Variants in STARD13 observed in about 807,000 individuals in gnomAD.
The protein encoded by STARD13 is stAR-related lipid transfer protein 13.
Under a neutral mutation model 106.4 loss-of-function variants are expected in STARD13, and 62 were observed. The ratio of observed to expected loss-of-function variants is 0.58; its 90% CI spans 0.48 to 0.72. The LOEUF (loss-of-function observed/expected upper bound fraction) is 0.72. Ranked by LOEUF, STARD13 falls within the 30% of genes least tolerant of loss-of-function variation. The pLI, the probability that STARD13 is intolerant of heterozygous loss-of-function variation, is 0.00. For synonymous variants in STARD13, 565 were observed against 553.0 expected (o/e 1.02, Z -0.31); for missense variants, 1,387 against 1,424.0 (o/e 0.97, Z 0.42).
At chr13:33,640,637 C>G in the STARD13 span, among the ~76,000 whole-genome samples, 2 of 152,180 alleles carry the variant, frequency 1.3e-5, no homozygotes, top group African/African-American at 4.8e-5. Flanking sequence ...AATCTTCAGA[C>G]AGGAGATCCT....
chr13:33,170,431 A>G (rs1416603919), intron 1 of STARD13, among the ~76,000 whole-genome samples: 1 of 152,218 alleles, frequency 6.6e-6, no homozygotes, highest in Non-Finnish European at 1.5e-5. Flanking sequence ...TAATAGCTGC[A>G]TTTCATTTTT....
At chr13:33,527,701 T>C in the STARD13 span, among the ~76,000 whole-genome samples, 1 of 152,060 alleles carries the variant, frequency 6.6e-6, no homozygotes, top group African/African-American at 2.4e-5. Context: ...GTAACCCCTT[T>C]GTTTAAAAAA....
the STARD13 span, among the ~76,000 whole-genome samples, chr13:33,377,230 C>G: frequency 6.6e-6 from 1 of 152,088 alleles, no homozygotes; most frequent in Non-Finnish European, 1.5e-5. Flanking sequence ...CAGGATTACC[C>G]TGAGGATGGG....
At chr13:33,628,807 T>A in the STARD13 span, among the ~76,000 whole-genome samples, 1 of 152,128 alleles carries the variant, frequency 6.6e-6, no homozygotes, top group Non-Finnish European at 1.5e-5. Context: ...CCCAGATCAG[T>A]CTCCTACTGC....
intron 8 of STARD13, among the ~76,000 whole-genome samples, chr13:33,115,239 A>G (rs1189401211): frequency 6.6e-6 from 1 of 152,170 alleles, no homozygotes; most frequent in East Asian, 1.9e-4. Flanking sequence ...TGAAAACAGA[A>G]CTTCTCTGGA....
At chr13:33,217,532 A>T (rs978931664) in intron 1 of STARD13, among the ~76,000 whole-genome samples, 3 of 152,226 alleles carry the variant, frequency 2.0e-5, no homozygotes, top group South Asian at 2.1e-4. Context: ...TGGTGCAAGC[A>T]CACAGGGGAA....
chr13:33,250,226 T>C (rs760616033), intron 1 of STARD13, among the ~76,000 whole-genome samples: 1 of 152,198 alleles, frequency 6.6e-6, no homozygotes, highest in Non-Finnish European at 1.5e-5. Context: ...CAGTAGACAT[T>C]GCTAGGTATT....
the STARD13 span, among the ~76,000 whole-genome samples, chr13:33,400,610 G>A: frequency 2.6e-5 from 4 of 151,984 alleles, no homozygotes; most frequent in African/African-American, 7.3e-5. Flanking sequence ...ACAGGCGCCC[G>A]CCACCATGCC....
intron 1 of STARD13, among the ~76,000 whole-genome samples, chr13:33,181,413 T>C (rs1372779667): frequency 1.3e-5 from 2 of 152,232 alleles, no homozygotes; most frequent in Non-Finnish European, 2.9e-5. Flanking sequence ...CATTACCAGA[T>C]TGGAAACCAG....
the STARD13 span, among the ~76,000 whole-genome samples, chr13:33,644,904 T>C: frequency 6.6e-6 from 1 of 152,146 alleles, no homozygotes; most frequent in Non-Finnish European, 1.5e-5. Flanking sequence ...CAGACTTGCA[T>C]CATTAGAGTA....
chr13:33,526,865 C>T, the STARD13 span, among the ~76,000 whole-genome samples: 3 of 152,050 alleles, frequency 2.0e-5, no homozygotes, highest in African/African-American at 7.2e-5. Flanking sequence ...AGATAGAGAA[C>T]AGGAAGACAA....
At chr13:33,447,559 C>T in the STARD13 span, among the ~76,000 whole-genome samples, 2 of 152,220 alleles carry the variant, frequency 1.3e-5, no homozygotes, top group Non-Finnish European at 2.9e-5. Context: ...CACTTCCTTA[C>T]ACGTTCCTCT....
chr13:33,328,274 T>C (rs1366107042), intron 1 of STARD13, among the ~76,000 whole-genome samples: 2 of 152,264 alleles, frequency 1.3e-5, no homozygotes, highest in African/African-American at 2.4e-5. Context: ...AAACAGATCA[T>C]GTGGTTCTTA....
the STARD13 span, among the ~76,000 whole-genome samples, chr13:33,479,998 C>T: frequency 6.6e-6 from 1 of 152,130 alleles, no homozygotes; most frequent in Non-Finnish European, 1.5e-5. Context: ...ATTACCCAAT[C>T]TCAGGTATTT....
rs2077799116 is a variant in STARD13, at chr13:33,328,255, G to T, written c.124+22035C>A. 2.6e-5 allele frequency among the ~76,000 whole-genome samples: 4 copies of T among 152,330 alleles called. No individual in the cohort carries two copies. In the South Asian group the frequency reaches 8.3e-4, roughly 32 times the overall value. ...TAAACCAATATGTTCAGAGGTTTGA[G>T]GGCTCTGGAAACAGATCATGTGGTT... On this transcript the variant is annotated intron_variant, in intron 1 of 5. Coordinates refer to the STARD13 transcript ENST00000567873.
At chr13:33,647,990 G>T in the STARD13 span, among the ~76,000 whole-genome samples, 22 of 152,256 alleles carry the variant, frequency 1.4e-4, 3 homozygotes, top group South Asian at 4.6e-3. Context: ...TACGTGCTCT[G>T]TTCTAGGATA....
chr13:33,146,470 T>C (rs927848871), intron 3 of STARD13, among the ~76,000 whole-genome samples: 1 of 152,180 alleles, frequency 6.6e-6, no homozygotes, highest in Non-Finnish European at 1.5e-5. Context: ...GGTGACATAG[T>C]AGGACCCTGT....
the STARD13 span, among the ~76,000 whole-genome samples, chr13:33,659,534 C>T: frequency 3.1e-3 from 466 of 152,262 alleles, 1 homozygote; most frequent in Non-Finnish European, 4.2e-3. Flanking sequence ...TTTTGATTGG[C>T]ATTAGAAGTC....
At chr13:33,166,286 C>T (rs576364400) in intron 2 of STARD13, among the ~76,000 whole-genome samples, 14 of 152,106 alleles carry the variant, frequency 9.2e-5, no homozygotes, top group Non-Finnish European at 1.3e-4. Context: ...CTGTCTTGCT[C>T]GGCTAGTGAG....
Sources: gnomAD v4.1 joint callset for allele counts (sites outside exome capture counted in the v4.1 genomes callset) on GRCh38, gnomAD v4.1.1 for gene constraint, MANE v1.5 for transcripts, NCBI Gene and HGNC (gene_info 2026-07-23, HGNC 2026-07-21) for gene names.